The following AVL9 variants were observed in gnomAD, a reference collection of about 807,000 sequenced individuals.
AVL9 encodes late secretory pathway protein AVL9 homolog.
A neutral mutation model predicts 79.2 loss-of-function variants in AVL9; 49 were observed. That is an observed-to-expected ratio of 0.62 (90% CI 0.49 to 0.79). The LOEUF (loss-of-function observed/expected upper bound fraction) is 0.79, where lower values mean the gene tolerates loss of function less well. AVL9 is among the 30% of genes least tolerant of loss of function. The pLI, the probability that AVL9 is intolerant of heterozygous loss-of-function variation, is 0.00. For synonymous variants in AVL9, 299 were observed against 280.6 expected (o/e 1.07, Z -0.65); for missense variants, 682 against 776.8 (o/e 0.88, Z 1.45).
At chr7:32,520,004 G>A (rs1788072779) in intron 1 of AVL9, among the ~76,000 whole-genome samples, 1 of 152,296 alleles carries the variant, frequency 6.6e-6, no homozygotes, top group South Asian at 2.1e-4. Flanking sequence ...CACAAGAACA[G>A]CAAGGGGAAA....
intron 1 of AVL9, among the ~76,000 whole-genome samples, chr7:32,530,368 A>G (rs760852304): frequency 6.6e-6 from 1 of 152,256 alleles, no homozygotes; most frequent in Non-Finnish European, 1.5e-5. Context: ...ATCTGGTATT[A>G]CTGGAAATTA....
chr7:32,553,592 C>T, intron 6 of AVL9, 135 bp from the exon 7 acceptor site: 2 of 643,134 alleles, frequency 3.1e-6, no homozygotes, highest in Non-Finnish European at 5.5e-6. Context: ...TCAAACATTA[C>T]AGAAATATTT....
chr7:32,517,730 A>G (rs1476422482), intron 1 of AVL9, among the ~76,000 whole-genome samples: 5 of 152,154 alleles, frequency 3.3e-5, no homozygotes, highest in Non-Finnish European at 5.9e-5. Context: ...ATCCCTGCTA[A>G]ATACTATAAG....
At chr7:32,552,788 ACCTTCTAGG>A (rs1789890931) in intron 6 of AVL9, among the ~76,000 whole-genome samples, 1 of 151,818 alleles carries the variant, frequency 6.6e-6, no homozygotes, top group Admixed American at 6.6e-5. Flanking sequence ...TGGAATTTCT[ACCTTCTAGG>A]ATAGTAATGG....
At chr7:32,567,393 C>T (rs1234957572) in intron 10 of AVL9, among the ~76,000 whole-genome samples, 4 of 152,184 alleles carry the variant, frequency 2.6e-5, no homozygotes, top group Admixed American at 2.0e-4. Context: ...TGAGCCACCA[C>T]ACCTAGCAAG....
chr7:32,567,864 C>T (rs1790652038), intron 10 of AVL9, among the ~76,000 whole-genome samples: 1 of 151,720 alleles, frequency 6.6e-6, no homozygotes. Flanking sequence ...ATTACAGGCA[C>T]TCGCCACCAC....
intron 8 of AVL9, among the ~76,000 whole-genome samples, chr7:32,555,534 T>C (rs1790016938): frequency 6.6e-6 from 1 of 152,228 alleles, no homozygotes; most frequent in South Asian, 2.1e-4. Context: ...TCTGACCTAC[T>C]ACCTATTGTT....
chr7:32,571,794 TTTA>T (rs1248047215), intron 11 of AVL9, among the ~76,000 whole-genome samples: 3 of 152,194 alleles, frequency 2.0e-5, no homozygotes, highest in Non-Finnish European at 4.4e-5. Context: ...AGGAATTTTT[TTTA>T]TTATTATACT....
chr7:32,504,905 G>A (rs937199342), intron 1 of AVL9, among the ~76,000 whole-genome samples: 8 of 151,850 alleles, frequency 5.3e-5, no homozygotes, highest in South Asian at 2.1e-4. Flanking sequence ...ACGGAGTCTC[G>A]CTCTGTCACC....
chr7:32,587,652 G>A lies in AVL9; in HGVS notation c.*3745G>A, dbSNP rs1791855912. On this transcript the variant is annotated 3_prime_UTR_variant, in exon 16 of 16. Transcript: ENST00000318709. ...ATGCTCTGAATCTTTGATCAGAGAT[G>A]AGGTGCCATTTTTGGCATTTCCACC... 1 of 152,116 alleles carries A rather than the reference G, an allele frequency of 6.6e-6. No individual in the cohort carries two copies. Among genetic ancestry groups the A allele is most frequent in the Non-Finnish European group, 1.5e-5 (1 of 68,030 alleles). 9.4% of individuals were successfully genotyped at this position (152,116 alleles called of 1,614,324 possible). A position where few individuals can be genotyped will look rare whatever the true frequency, so the allele number is the denominator to read the frequency against.
At chr7:32,498,121 G>T (rs1786941168) in intron 1 of AVL9, among the ~76,000 whole-genome samples, 1 of 152,148 alleles carries the variant, frequency 6.6e-6, no homozygotes, top group African/African-American at 2.4e-5. Flanking sequence ...ATTTGACATG[G>T]ACCTCAAAGT....
At chr7:32,512,449 G>A (rs1489247738) in intron 1 of AVL9, among the ~76,000 whole-genome samples, 8 of 152,208 alleles carry the variant, frequency 5.3e-5, no homozygotes, top group Non-Finnish European at 1.0e-4. Context: ...CTACCAGTAG[G>A]CACAAAGCAG....
At position 32,514,821 on chromosome 7, in the gene AVL9, A is replaced by G. The variant is rs187928131; in HGVS notation, c.93+19019A>G. ...AATCTTATAAAACAGCCCCACCCCT[A>G]TCTCCCTTCACTGACTCTCTTTTCG... On this transcript the variant is annotated intron_variant, in intron 1 of 15. Coordinates refer to ENST00000318709, the MANE Select transcript of AVL9 (RefSeq NM_015060.3). Among the ~76,000 whole-genome samples the G allele has an allele frequency of 3.7e-3, 562 of 152,058 alleles. 17 individuals are homozygous for G. The South Asian group carries it at 0.07, about 19-fold the overall frequency.
At chr7:32,571,047 T>C (rs1388942610) in intron 11 of AVL9, among the ~76,000 whole-genome samples, 1 of 148,316 alleles carries the variant, frequency 6.7e-6, no homozygotes, top group African/African-American at 2.5e-5. Flanking sequence ...CTGGCCAACA[T>C]GGTGAAACCC....
At chr7:32,511,884 T>C (rs1472702237) in intron 1 of AVL9, among the ~76,000 whole-genome samples, 1 of 152,130 alleles carries the variant, frequency 6.6e-6, no homozygotes, top group Admixed American at 6.6e-5. Flanking sequence ...TGGTCATTTT[T>C]CCAAATGAGT....
At chr7:32,540,114 A>C (rs1284183218) in intron 1 of AVL9, among the ~76,000 whole-genome samples, 4 of 152,226 alleles carry the variant, frequency 2.6e-5, no homozygotes, top group Admixed American at 2.6e-4. Context: ...GTCTTGCTTT[A>C]TCAGTATATA....
At chr7:32,548,439 C>G (rs931540849) in intron 3 of AVL9, among the ~76,000 whole-genome samples, 1 of 152,078 alleles carries the variant, frequency 6.6e-6, no homozygotes, top group Non-Finnish European at 1.5e-5. Context: ...TGAGCCATTG[C>G]TCTTGGCCTT....
chr7:32,540,696 G>A (rs1244576322), intron 1 of AVL9, among the ~76,000 whole-genome samples: 1 of 151,802 alleles, frequency 6.6e-6, no homozygotes, highest in Non-Finnish European at 1.5e-5. Context: ...TTGATAATAC[G>A]GCCAAGTTGC....
intron 10 of AVL9, chr7:32,562,465 T>A (rs1790371418): frequency 9.6e-6 from 2 of 207,272 alleles, no homozygotes; most frequent in South Asian, 3.4e-4. Flanking sequence ...CCCTATTTTT[T>A]AATCTTTTTA....
Sources: allele counts gnomAD v4.1 joint callset (sites outside exome capture counted in the v4.1 genomes callset), GRCh38; gene constraint gnomAD v4.1.1; transcripts MANE v1.5; gene names NCBI Gene and HGNC (gene_info 2026-07-23, HGNC 2026-07-21).